Variants in RPH3A observed in about 807,000 individuals in gnomAD.
RPH3A encodes rabphilin-3A.
A neutral mutation model predicts 102.2 loss-of-function variants in RPH3A; 48 were observed. The ratio of observed to expected loss-of-function variants is 0.47; its 90% CI spans 0.37 to 0.60. The LOEUF (loss-of-function observed/expected upper bound fraction) is 0.60, where lower values mean the gene tolerates loss of function less well. RPH3A is among the 20% of genes least tolerant of loss of function. RPH3A has a pLI of 0.00. For missense variants in RPH3A, 781 were observed against 910.1 expected (o/e 0.86, Z 1.83); for synonymous variants, 310 against 324.3 (o/e 0.96, Z 0.47).
At chr12:112,635,264 C>T (rs58536922) in intron 1 of RPH3A, among the ~76,000 whole-genome samples, 1,718 of 152,214 alleles carry the variant, frequency 0.011, 30 homozygotes, top group African/African-American at 0.039. Context: ...GGCCTATGGG[C>T]TGTTGTTTGG....
intron 1 of RPH3A, among the ~76,000 whole-genome samples, chr12:112,684,241 T>C (rs890422543): frequency 2.6e-5 from 4 of 152,134 alleles, no homozygotes; most frequent in African/African-American, 9.7e-5. Flanking sequence ...AGAATATCTA[T>C]TTTTATTGTT....
In RPH3A at chr12:112,887,820, A is replaced by G. The variant is rs374804150; in HGVS notation, c.1460A>G (p.Lys487Arg). The G allele has an allele frequency of 1.2e-6, 2 of 1,613,698 alleles. No individual in the cohort carries two copies. Among genetic ancestry groups the G allele is most frequent in the Non-Finnish European group, 1.7e-6 (2 of 1,179,800 alleles). ...AGGATCTCCGTCTGTGATGAGGACA[A>G]ATTTGGCCACAATGAATTTATTGGT... ...TLRISVCDED[K>R]FGHNEFIGET... is the part of the protein sequence containing the mutation. The change falls in exon 17 of 22, where the codon AAA becomes AGA. Residue 487 changes from lysine (K) to arginine (R), a missense_variant. By Grantham distance (26) the Lys-to-Arg change is conservative (BLOSUM62 2). Transcript: ENST00000389385.
At chr12:112,667,662 AAGAG>A (rs71086114) in intron 1 of RPH3A, among the ~76,000 whole-genome samples, 6,527 of 72,522 alleles carry the variant, frequency 0.09, 605 homozygotes, top group Middle Eastern at 0.13. Context: ...GAGATGAATA[AAGAG>A]AGAGAGAGAG....
chr12:112,679,046 C>T (rs977542920), intron 1 of RPH3A, among the ~76,000 whole-genome samples: 5 of 152,190 alleles, frequency 3.3e-5, no homozygotes, highest in Non-Finnish European at 7.3e-5. Flanking sequence ...AACCTGCCCC[C>T]CACTGCAGGC....
At chr12:112,669,825 C>T (rs1172629187) in intron 1 of RPH3A, among the ~76,000 whole-genome samples, 1 of 152,036 alleles carries the variant, frequency 6.6e-6, no homozygotes, top group Non-Finnish European at 1.5e-5. Context: ...CCATAATATT[C>T]TATTGTATGG....
At chr12:112,649,522 C>G (rs2039958449) in intron 1 of RPH3A, 1 of 152,160 alleles carries the variant, frequency 6.6e-6, no homozygotes, top group Admixed American at 6.5e-5. Flanking sequence ...GATTGCAGGA[C>G]TTGTGTATTC....
intron 2 of RPH3A, among the ~76,000 whole-genome samples, chr12:112,796,866 A>T (rs2041242976): frequency 1.3e-5 from 2 of 152,178 alleles, no homozygotes; most frequent in African/African-American, 4.8e-5. Context: ...CCTGGTCAAC[A>T]TGGTAAATCC....
intron 1 of RPH3A, among the ~76,000 whole-genome samples, chr12:112,583,706 C>G (rs1045674157): frequency 1.3e-5 from 2 of 152,142 alleles, no homozygotes; most frequent in African/African-American, 4.8e-5. Flanking sequence ...AAGGGCTGGC[C>G]ATGCGCGGTG....
At chr12:112,697,404 C>T (rs2040360364) in intron 1 of RPH3A, among the ~76,000 whole-genome samples, 1 of 152,098 alleles carries the variant, frequency 6.6e-6, no homozygotes, top group African/African-American at 2.4e-5. Flanking sequence ...TAGAAACAGA[C>T]ATAAAATGCT....
At chr12:112,835,864 G>A (rs554688073) in intron 3 of RPH3A, among the ~76,000 whole-genome samples, 1 of 71,700 alleles carries the variant, frequency 1.4e-5, no homozygotes, top group Admixed American at 1.7e-4. Flanking sequence ...TTAGGGCAAT[G>A]GTTCAGTTTT....
chr12:112,736,902 C>G (rs1482024188), intron 1 of RPH3A, among the ~76,000 whole-genome samples: 1 of 152,116 alleles, frequency 6.6e-6, no homozygotes, highest in Non-Finnish European at 1.5e-5. Flanking sequence ...TGCCTGTAAT[C>G]CCAGCACTTT....
rs373669172 is a variant in RPH3A, at chr12:112,712,426, G to A, written c.-139-79717G>A. ...CTTATGTTTCAATCTAATAGAAACC[G>A]CATAAATTATCCAGATGTCTATTTT... On this transcript the variant is annotated intron_variant, in intron 1 of 21. Coordinates refer to the RPH3A transcript ENST00000543106. Among the ~76,000 whole-genome samples, 11 of 152,024 alleles carry A rather than the reference G, an allele frequency of 7.2e-5. No homozygotes were observed. In the South Asian group the frequency reaches 1.0e-3, roughly 14 times the overall value.
chr12:112,868,967 C>T (rs2042659101), intron 8 of RPH3A: 1 of 184,840 alleles, frequency 5.4e-6, no homozygotes, highest in African/African-American at 2.3e-5. Context: ...TGTTATTTCT[C>T]CTACTATCCA....
chr12:112,816,214 C>T (rs2041668969), intron 2 of RPH3A, among the ~76,000 whole-genome samples: 1 of 152,186 alleles, frequency 6.6e-6, no homozygotes, highest in Non-Finnish European at 1.5e-5. Context: ...AATGACTTTA[C>T]CCCTCCAGGC....
In RPH3A at chr12:112,847,757, G is replaced by T. The variant is rs754109942; in HGVS notation, c.145G>T (p.Glu49Ter). Residue 49 changes from glutamate to a stop codon, truncating the protein, a stop_gained, in exon 5 of 22, where the codon GAG (glutamate) becomes TAG (stop). Transcript: ENST00000389385. LOFTEE classifies it high-confidence loss of function. ...GQPDRQRKQE[E>*]LTDEEKEIIN... ...GCCTGACAGGCAGAGGAAGCAGGAA[G>T]AGCTGACTGATGAGGAGAAAGAAAT... The T allele has an allele frequency of 6.2e-7, 1 of 1,614,230 alleles. No homozygotes were observed. Among genetic ancestry groups the T allele is most frequent in the South Asian group, 1.1e-5 (1 of 91,086 alleles).
At chr12:112,877,010 G>A (rs1312550461) in intron 13 of RPH3A, 144 bp downstream of exon 13, 3 of 514,246 alleles carry the variant, frequency 5.8e-6, no homozygotes, top group Non-Finnish European at 9.8e-6. Context: ...CCAAGTGATA[G>A]AAGTACAGAT....
intron 1 of RPH3A, among the ~76,000 whole-genome samples, chr12:112,603,870 A>T (rs1323792202): frequency 6.6e-6 from 1 of 152,102 alleles, no homozygotes; most frequent in African/African-American, 2.4e-5. Context: ...GATGTAATAT[A>T]ACCCAGCCCC....
intron 4 of RPH3A, among the ~76,000 whole-genome samples, chr12:112,846,688 C>T (rs1369447383): frequency 1.3e-5 from 2 of 152,220 alleles, no homozygotes; most frequent in African/African-American, 4.8e-5. Flanking sequence ...CTCATAGGGA[C>T]AAGAATTTCT....
intron 1 of RPH3A, among the ~76,000 whole-genome samples, chr12:112,662,108 A>T (rs1242854178): frequency 6.6e-6 from 1 of 152,178 alleles, no homozygotes; most frequent in Non-Finnish European, 1.5e-5. Flanking sequence ...TTTACTCTAA[A>T]AGCATTGAGC....
Sources: gnomAD v4.1 joint callset for allele counts (sites outside exome capture counted in the v4.1 genomes callset) on GRCh38, gnomAD v4.1.1 for gene constraint, MANE v1.5 for transcripts, NCBI Gene and HGNC (gene_info 2026-07-23, HGNC 2026-07-21) for gene names.